The following THSD4 variants were observed in gnomAD, a reference collection of about 807,000 sequenced individuals.
THSD4 encodes thrombospondin type 1 domain containing 4.
A neutral mutation model predicts 119.0 loss-of-function variants in THSD4; 69 were observed. The ratio of observed to expected loss-of-function variants is 0.58; its 90% confidence interval spans 0.48 to 0.71. The LOEUF is 0.71. THSD4 is among the 30% of genes least tolerant of loss of function. The pLI is 0.00. For missense variants in THSD4, 1,393 were observed against 1,391.1 expected (o/e 1.00, Z -0.02); for synonymous variants, 524 against 540.4 (o/e 0.97, Z 0.42).
chr15:71,523,408 T>C (rs2048471404), intron 7 of THSD4, among the ~76,000 whole-genome samples: 1 of 152,220 alleles, frequency 6.6e-6, no homozygotes, highest in African/African-American at 2.4e-5. Flanking sequence ...ACACATGCCA[T>C]TGGATTTAGG....
chr15:71,618,789 G>A (rs911648110), intron 7 of THSD4, among the ~76,000 whole-genome samples: 4 of 152,096 alleles, frequency 2.6e-5, no homozygotes, highest in Non-Finnish European at 5.9e-5. Context: ...TGTTGCCCAG[G>A]CTGGTCTTGA....
At chr15:71,295,645 A>G (rs1236342108) in intron 6 of THSD4, among the ~76,000 whole-genome samples, 1 of 152,036 alleles carries the variant, frequency 6.6e-6, no homozygotes, top group Non-Finnish European at 1.5e-5. Context: ...TGGTTCTCAA[A>G]TCTGCTGGAA....
intron 3 of THSD4, among the ~76,000 whole-genome samples, chr15:71,210,062 G>A (rs915478914): frequency 6.6e-6 from 1 of 152,154 alleles, no homozygotes; most frequent in Non-Finnish European, 1.5e-5. Flanking sequence ...AATACATTGG[G>A]TATAAAGTCA....
At chr15:71,721,231 G>A (rs1486241129) in intron 8 of THSD4, among the ~76,000 whole-genome samples, 14 of 151,656 alleles carry the variant, frequency 9.2e-5, no homozygotes, top group South Asian at 2.1e-4. Context: ...GACCAGGTGC[G>A]GTGGCTCACC....
intron 8 of THSD4, among the ~76,000 whole-genome samples, chr15:71,662,405 T>C (rs1042985181): frequency 8.5e-5 from 13 of 152,200 alleles, no homozygotes. Context: ...TTGTATATTC[T>C]TTTTAATACT....
chr15:71,451,238 A>G (rs7183557), intron 7 of THSD4, among the ~76,000 whole-genome samples: 4,170 of 152,296 alleles, frequency 0.027, 169 homozygotes, highest in African/African-American at 0.093. Flanking sequence ...AGGGTGAGTC[A>G]GGGAACTGTA....
intron 6 of THSD4, among the ~76,000 whole-genome samples, chr15:71,387,196 T>C (rs1358075291): frequency 6.7e-6 from 1 of 150,100 alleles, no homozygotes; most frequent in Admixed American, 6.6e-5. Flanking sequence ...TAGGCATAAC[T>C]CATTAACGTT....
At chr15:71,217,459 A>G (rs2043942737) in intron 4 of THSD4, among the ~76,000 whole-genome samples, 1 of 152,040 alleles carries the variant, frequency 6.6e-6, no homozygotes, top group African/African-American at 2.4e-5. Context: ...TGTACTAAAA[A>G]TACACACACA....
chr15:71,695,340 T>A (rs1247418931), intron 8 of THSD4, among the ~76,000 whole-genome samples: 13 of 152,106 alleles, frequency 8.5e-5, no homozygotes, highest in Non-Finnish European at 1.5e-5. Context: ...TGTGTATGTG[T>A]GTGTGTGTTT....
rs573810609 is a variant in THSD4 at position 71,610,010 on chromosome 15, G to T, written c.1153-50520G>T. Among the ~76,000 whole-genome samples, 11 of 152,302 alleles carry T rather than the reference G, an allele frequency of 7.2e-5. No homozygotes were observed. The South Asian group carries it at 2.1e-3, about 29-fold the overall frequency. On this transcript the variant is annotated intron_variant, in intron 7 of 17. Transcript: ENST00000261862. Reference sequence around the variant, plus strand: ...AATTAAATACAGGCGGCCTGGCATGGAATCCGAGACTGTCATCGACAATAA... The same window carrying T: ...AATTAAATACAGGCGGCCTGGCATGTAATCCGAGACTGTCATCGACAATAA...
intron 2 of THSD4, among the ~76,000 whole-genome samples, chr15:71,143,436 G>A (rs963389318): frequency 2.0e-5 from 3 of 152,068 alleles, no homozygotes; most frequent in African/African-American, 7.2e-5. Flanking sequence ...AAGCACCCAG[G>A]ACCCCATGTA....
At chr15:71,260,130 A>G (rs1247774341) in intron 6 of THSD4, among the ~76,000 whole-genome samples, 2 of 152,202 alleles carry the variant, frequency 1.3e-5, no homozygotes, top group Non-Finnish European at 2.9e-5. Context: ...TGATAGCCCT[A>G]TGCAAACCAC....
chr15:71,202,698 T>A (rs535514429), intron 3 of THSD4, among the ~76,000 whole-genome samples: 136 of 152,274 alleles, frequency 8.9e-4, no homozygotes, highest in African/African-American at 3.2e-3. Context: ...TCTGATAACC[T>A]GGGAAGATGC....
At chr15:71,742,298 G>A (rs910912016) in intron 11 of THSD4, among the ~76,000 whole-genome samples, 7 of 152,196 alleles carry the variant, frequency 4.6e-5, no homozygotes, top group African/African-American at 1.7e-4. Flanking sequence ...GCATCCAAGA[G>A]TGGTCCATAC....
intron 6 of THSD4, among the ~76,000 whole-genome samples, chr15:71,350,604 A>G (rs2045731495): frequency 6.6e-6 from 1 of 152,142 alleles, no homozygotes; most frequent in African/African-American, 2.4e-5. Flanking sequence ...CTCCCAACAT[A>G]GCCCTTTACA....
chr15:71,699,905 A>G (rs1401461560), intron 8 of THSD4, among the ~76,000 whole-genome samples: 2 of 152,078 alleles, frequency 1.3e-5, no homozygotes, highest in East Asian at 3.9e-4. Context: ...AAATTACTTG[A>G]TAATATTTAC....
At chr15:71,488,317 G>A (rs973053830) in intron 7 of THSD4, among the ~76,000 whole-genome samples, 15 of 152,210 alleles carry the variant, frequency 9.9e-5, no homozygotes, top group South Asian at 2.1e-4. Flanking sequence ...AGGATGCATC[G>A]TTCTTCTAAT....
intron 7 of THSD4, among the ~76,000 whole-genome samples, chr15:71,595,141 G>T (rs1301961312): frequency 6.6e-6 from 1 of 152,212 alleles, no homozygotes; most frequent in Non-Finnish European, 1.5e-5. Flanking sequence ...ATTGGGATTG[G>T]AAGCTCTCTT....
intron 8 of THSD4, among the ~76,000 whole-genome samples, chr15:71,717,554 G>T (rs1185908504): frequency 1.4e-5 from 2 of 145,986 alleles, no homozygotes; most frequent in Non-Finnish European, 3.0e-5. Context: ...TGCTCCTGAG[G>T]TTAAAAAAAA....
Sources: gnomAD v4.1 joint callset for allele counts (sites outside exome capture counted in the v4.1 genomes callset) on GRCh38, gnomAD v4.1.1 for gene constraint, MANE v1.5 for transcripts, NCBI Gene and HGNC (gene_info 2026-07-23, HGNC 2026-07-21) for gene names.